Variants in SLC39A11 observed in about 807,000 individuals in gnomAD.
The protein encoded by SLC39A11 is zinc transporter ZIP11.
Under a neutral mutation model 36.1 loss-of-function variants are expected in SLC39A11, and 33 were observed. That is an observed-to-expected ratio of 0.91 (90% confidence interval 0.69 to 1.22). SLC39A11 has a LOEUF of 1.22. Among genes scored for constraint, SLC39A11 ranks in the 50% most tolerant of loss-of-function variants. SLC39A11 has a pLI of 0.00. For synonymous variants in SLC39A11, 166 were observed against 170.3 expected, an observed-to-expected ratio of 0.97 and a Z score of 0.20; for missense variants, 432 against 430.3, an observed-to-expected ratio of 1.00 and a Z score of -0.03.
chr17:72,796,791 A>C lies in SLC39A11; in HGVS notation c.601+52843T>G, dbSNP rs185772208. ...TGAGTAGCTGGGATTACAGGCACCC[A>C]CCACCACGCAGGGGTTTCACTGACA... On this transcript the variant is annotated intron_variant, in intron 6 of 9. Coordinates refer to ENST00000255559, the MANE Select transcript of SLC39A11 (RefSeq NM_139177.4). Among the ~76,000 whole-genome samples, 160 of 152,212 alleles carry C rather than the reference A, an allele frequency of 1.1e-3. 3 individuals are homozygous for C. The highest frequency in any genetic ancestry group is 2.6e-3 in the Admixed American group (39 of 15,284).
At chr17:72,864,008 C>T (rs1305038992) in intron 5 of SLC39A11, among the ~76,000 whole-genome samples, 1 of 151,994 alleles carries the variant, frequency 6.6e-6, no homozygotes, top group Non-Finnish European at 1.5e-5. Flanking sequence ...GAGACTGAAC[C>T]CTCTCCTCTC....
At chr17:72,932,743 CAATATACT>C (rs759072533) in intron 5 of SLC39A11, among the ~76,000 whole-genome samples, 10 of 152,104 alleles carry the variant, frequency 6.6e-5, no homozygotes, top group Non-Finnish European at 8.8e-5. Context: ...TGAGAGCATA[CAATATACT>C]AGGCACCATT....
rs2069733107 is a variant in SLC39A11 at position 72,649,258 on chromosome 17, T to C, written c.682A>G (p.Ile228Val). The C allele has an allele frequency of 1.9e-6, 3 of 1,614,000 alleles. No homozygotes were observed. Among genetic ancestry groups the C allele is most frequent in the Non-Finnish European group, 2.5e-6 (3 of 1,180,008 alleles). ...GGGAAATTCTGGATCCCGATTCCAATGGCCAAATTCCTGAAAAACCAAGAA... is the reference window on the plus strand; with the variant it reads ...GGGAAATTCTGGATCCCGATTCCAACGGCCAAATTCCTGAAAAACCAAGAA... ...ATFESARNLA[I>V]GIGIQNFPEG... The change falls in exon 8 of 10, where the codon ATT (isoleucine) becomes GTT (valine). Residue 228 changes from isoleucine to valine, a missense_variant. Transcript: ENST00000255559.
intron 5 of SLC39A11, among the ~76,000 whole-genome samples, chr17:72,869,686 G>A (rs1021236656): frequency 1.1e-4 from 16 of 152,196 alleles, no homozygotes; most frequent in African/African-American, 3.4e-4. Flanking sequence ...ACCACGCCCA[G>A]TGAATTTTTA....
At chr17:72,978,189 G>A (rs1229658117) in intron 4 of SLC39A11, among the ~76,000 whole-genome samples, 1 of 149,860 alleles carries the variant, frequency 6.7e-6, no homozygotes, top group African/African-American at 2.5e-5. Context: ...GCCCTTAGGC[G>A]TTCCCTGCCT....
At chr17:72,661,388 C>T (rs772459850) in intron 7 of SLC39A11, among the ~76,000 whole-genome samples, 7 of 152,230 alleles carry the variant, frequency 4.6e-5, no homozygotes, top group South Asian at 4.1e-4. Context: ...AGCGAAGGGA[C>T]GGCAACCTGC....
chr17:73,073,345 G>A (rs1343673056), intron 3 of SLC39A11, among the ~76,000 whole-genome samples: 1 of 152,172 alleles, frequency 6.6e-6, no homozygotes, highest in Non-Finnish European at 1.5e-5. Context: ...CATGGACCCG[G>A]CAACCACGCT....
chr17:73,088,622 C>T (rs979333521), intron 2 of SLC39A11, 35 bp downstream of exon 2: 2 of 1,569,842 alleles, frequency 1.3e-6, no homozygotes, highest in Admixed American at 1.7e-5. Context: ...AACGGGCTCC[C>T]CACCAACATC....
intron 6 of SLC39A11, among the ~76,000 whole-genome samples, chr17:72,762,122 G>C (rs1446875560): frequency 6.6e-6 from 1 of 152,206 alleles, no homozygotes; most frequent in Non-Finnish European, 1.5e-5. Flanking sequence ...ATCTTGAATA[G>C]GGGCTGCGTA....
At position 72,854,244 on chromosome 17, in the gene SLC39A11, G is replaced by A. The variant is rs548904898; in HGVS notation, c.431-4440C>T. Among the ~76,000 whole-genome samples, 14 of 151,092 alleles carry A rather than the reference G, an allele frequency of 9.3e-5. No homozygotes were observed. The South Asian group carries it at 1.7e-3, about 18-fold the overall frequency. On this transcript the variant is annotated intron_variant, in intron 5 of 9. Transcript: ENST00000255559. Reference sequence around the variant, plus strand: ...CCAGTCTGCAGTGGACTCAGGAGTCGACTCAGCATCTTTGCCTCCAGGAGC... The same window carrying A: ...CCAGTCTGCAGTGGACTCAGGAGTCAACTCAGCATCTTTGCCTCCAGGAGC...
chr17:73,082,117 AAAAAAAAAG>A (rs994920767), intron 3 of SLC39A11, among the ~76,000 whole-genome samples: 3 of 24,804 alleles, frequency 1.2e-4, no homozygotes, highest in African/African-American at 2.9e-4. Context: ...TACTGAAACT[AAAAAAAAAG>A]AAAAAAAAAA....
chr17:72,985,670 C>T (rs1272058541), intron 4 of SLC39A11, among the ~76,000 whole-genome samples: 3 of 152,136 alleles, frequency 2.0e-5, no homozygotes, highest in Non-Finnish European at 4.4e-5. Flanking sequence ...ACCTCAAACT[C>T]CCAAAGTGCT....
intron 6 of SLC39A11, among the ~76,000 whole-genome samples, chr17:72,830,420 G>A (rs1337647704): frequency 6.6e-6 from 1 of 151,850 alleles, no homozygotes; most frequent in Non-Finnish European, 1.5e-5. Flanking sequence ...GTACTAACTC[G>A]GCTGTGTCTT....
intron 3 of SLC39A11, among the ~76,000 whole-genome samples, chr17:73,079,671 A>C (rs922655717): frequency 6.6e-6 from 1 of 152,206 alleles, no homozygotes; most frequent in Non-Finnish European, 1.5e-5. Context: ...GAAAGAAAGA[A>C]AGGGCATCCA....
chr17:72,910,660 C>G (rs146078606), intron 5 of SLC39A11, among the ~76,000 whole-genome samples: 4,145 of 141,436 alleles, frequency 0.029, 201 homozygotes, highest in African/African-American at 0.1. Flanking sequence ...GGCACAGTGA[C>G]TCATGGCTGT....
At chr17:72,909,995 A>G (rs1359240424) in intron 5 of SLC39A11, among the ~76,000 whole-genome samples, 1 of 150,294 alleles carries the variant, frequency 6.7e-6, no homozygotes, top group Non-Finnish European at 1.5e-5. Flanking sequence ...CTCATGATCC[A>G]CCCACCTCGG....
intron 5 of SLC39A11, among the ~76,000 whole-genome samples, chr17:72,909,189 CA>C (rs1356248339): frequency 6.6e-6 from 1 of 152,202 alleles, no homozygotes; most frequent in African/African-American, 2.4e-5. Context: ...ACTGTGGCCT[CA>C]ACCTCCTGGG....
intron 5 of SLC39A11, among the ~76,000 whole-genome samples, chr17:72,925,319 G>A (rs1253700924): frequency 6.6e-6 from 1 of 152,120 alleles, no homozygotes; most frequent in Non-Finnish European, 1.5e-5. Flanking sequence ...ATGATTACAT[G>A]CGAATTTTTA....
chr17:72,999,690 T>C (rs1311003208), intron 4 of SLC39A11, among the ~76,000 whole-genome samples: 2 of 152,186 alleles, frequency 1.3e-5, no homozygotes, highest in Non-Finnish European at 2.9e-5. Flanking sequence ...ACTGACTGCC[T>C]AGGGCTGCAG....
Sources: gnomAD v4.1 joint callset for allele counts (sites outside exome capture counted in the v4.1 genomes callset) on GRCh38, gnomAD v4.1.1 for gene constraint, MANE v1.5 for transcripts, NCBI Gene and HGNC (gene_info 2026-07-23, HGNC 2026-07-21) for gene names.